The following KCNQ1 variants were observed in gnomAD, a reference collection of about 807,000 sequenced individuals.
KCNQ1 encodes potassium voltage-gated channel subfamily KQT member 1.
A neutral mutation model predicts 72.4 loss-of-function variants in KCNQ1; 49 were observed. The ratio of observed to expected loss-of-function variants is 0.68; its 90% CI spans 0.54 to 0.86. The LOEUF (loss-of-function observed/expected upper bound fraction) is 0.86, where lower values mean the gene tolerates loss of function less well. Among genes scored for constraint, KCNQ1 ranks in the 40% least tolerant of loss-of-function variants. The probability of loss-of-function intolerance (pLI) is 0.00; values close to 1 mark genes in which losing one functional copy is unlikely to be tolerated. For synonymous variants in KCNQ1, 450 were observed against 412.6 expected, an observed-to-expected ratio of 1.09 and a Z score of -1.10; for missense variants, 790 against 945.1, an observed-to-expected ratio of 0.84 and a Z score of 2.15.
At position 2,492,662 on chromosome 11, in the gene KCNQ1, TC is replaced by T. The variant is rs200334221; in HGVS notation, c.387-35262del. 9.7e-3 allele frequency among the ~76,000 whole-genome samples: 1,480 copies of T among 152,276 alleles called. 10 individuals carry two copies. Among genetic ancestry groups the T allele is most frequent in the South Asian group, 0.018 (89 of 4,822 alleles). On this transcript the variant is annotated intron_variant, in intron 1 of 15. Transcript: ENST00000155840. The surrounding 1 kb of genome is among the most constrained non-coding windows in gnomAD (Gnocchi z 4.1). Reference sequence around the variant, plus strand: ...TTGCCGAGAATGGTTTCCAGCTTCATCCCCACAAAAGACATGAACTCATTCT... The same window carrying T: ...TTGCCGAGAATGGTTTCCAGCTTCATCCCACAAAAGACATGAACTCATTCT...
At chr11:2,733,824 T>TCTCTCTCTCTCTCTCG in intron 11 of KCNQ1, among the ~76,000 whole-genome samples, 1 of 22,588 alleles carries the variant, frequency 4.4e-5, no homozygotes, top group Non-Finnish European at 1.0e-4. Context: ...ACTCTCTCAC[T>TCTCTCTCTCTCTCTCG]CTCTCTCTCT....
At position 2,775,951 on chromosome 11, in the gene KCNQ1, G is replaced by A; in HGVS notation, c.1591-9G>A. On this transcript the variant is annotated splice_polypyrimidine_tract_variant and intron_variant, in intron 12 of 15. Transcript: ENST00000155840. Reference sequence around the variant, plus strand: ...GAGGAGAAGTGATGCGTGTCTTTTTGTCCCGCAGCAAGCGCGGAAGCCTTA... The same window carrying A: ...GAGGAGAAGTGATGCGTGTCTTTTTATCCCGCAGCAAGCGCGGAAGCCTTA... 6.4e-7 allele frequency: 1 copy of A among 1,553,216 alleles called. No individual in the cohort carries two copies. The highest frequency in any genetic ancestry group is 8.7e-7 in the Non-Finnish European group (1 of 1,147,818).
At position 2,611,905 on chromosome 11, in the gene KCNQ1, C is replaced by A; in HGVS notation, c.1393+23051C>A. The A allele has an allele frequency of 2.5e-6, 1 of 398,470 alleles. No individual in the cohort carries two copies. Among genetic ancestry groups the A allele is most frequent in the Non-Finnish European group, 4.4e-6 (1 of 226,026 alleles). 24.7% of individuals were successfully genotyped at this position (398,470 alleles called of 1,614,324 possible). On this transcript the variant is annotated intron_variant, in intron 10 of 15. Coordinates refer to ENST00000155840, the MANE Select transcript of KCNQ1 (RefSeq NM_000218.3). This position sits in a 1 kb window ranked among gnomAD's most constrained non-coding sequence, Gnocchi z 5.3. ...AGTGTAATCTGGAGGTTACAATAAG[C>A]AGCTTAAGCAAAAACAATCTGCTTC...
rs572968912 is a variant in KCNQ1, at chr11:2,450,383, C to T, written c.386+4899C>T. On this transcript the variant is annotated intron_variant, in intron 1 of 15. Transcript: ENST00000155840. This position sits in a 1 kb window ranked among gnomAD's most constrained non-coding sequence, Gnocchi z 7.9. ...CCGGGGAGATGCCGCAGAGAAGCTT[C>T]CAGAAGCCCAACATCTGCTGCTGGA... Among the ~76,000 whole-genome samples, 4 of 152,260 alleles carry T rather than the reference C, an allele frequency of 2.6e-5. No individual in the cohort carries two copies. Among genetic ancestry groups the T allele is most frequent in the African/African-American group, 9.6e-5 (4 of 41,556 alleles).
intron 11 of KCNQ1, among the ~76,000 whole-genome samples, chr11:2,726,761 T>C (rs1373796899): frequency 6.6e-6 from 1 of 152,216 alleles, no homozygotes; most frequent in Non-Finnish European, 1.5e-5. Context: ...GGCTTTCCCA[T>C]GGAATGTGCT....
intron 15 of KCNQ1, among the ~76,000 whole-genome samples, chr11:2,823,343 C>G (rs753167806): frequency 6.6e-6 from 1 of 152,174 alleles, no homozygotes; most frequent in South Asian, 2.1e-4. Context: ...GGTGAGGATA[C>G]AGTAAAGACA....
At position 2,471,044 on chromosome 11, in the gene KCNQ1, C is replaced by T. The variant is rs903115004; in HGVS notation, c.386+25560C>T. On this transcript the variant is annotated intron_variant, in intron 1 of 15. Coordinates refer to ENST00000155840, the MANE Select transcript of KCNQ1 (RefSeq NM_000218.3). The surrounding 1 kb of genome is among the most constrained non-coding windows in gnomAD (Gnocchi z 4.8). ...TGTCGGTGGAGGCTCCCTTTCTGCC[C>T]GCGGGTTCCAGCACATTTGCTGGGA... Among the ~76,000 whole-genome samples the T allele has an allele frequency of 3.9e-5, 6 of 152,020 alleles. No homozygotes were observed. The highest frequency in any genetic ancestry group is 1.2e-4 in the African/African-American group (5 of 41,378).
rs1162166847 is a variant in KCNQ1 at position 2,734,357 on chromosome 11, A to C, written c.1515-34487A>C. On this transcript the variant is annotated intron_variant, in intron 11 of 15. Transcript: ENST00000155840. The surrounding 1 kb of genome is among the most constrained non-coding windows in gnomAD (Gnocchi z 7.0). Reference sequence around the variant, plus strand: ...GGCGGGGAGCACCAAGGGTAGAGGCAGGGGAGCAATGGATGGGTTGAATGA... The same window carrying C: ...GGCGGGGAGCACCAAGGGTAGAGGCCGGGGAGCAATGGATGGGTTGAATGA... Among the ~76,000 whole-genome samples, 1 of 152,234 alleles carries C rather than the reference A, an allele frequency of 6.6e-6. No individual in the cohort carries two copies. The highest frequency in any genetic ancestry group is 1.5e-5 in the Non-Finnish European group (1 of 68,040).
In KCNQ1 at chr11:2,507,350, C is replaced by T. The variant is rs769690278; in HGVS notation, c.387-20578C>T. Among the ~76,000 whole-genome samples the T allele has an allele frequency of 1.3e-5, 2 of 152,076 alleles. No individual in the cohort carries two copies. The highest frequency in any genetic ancestry group is 4.8e-5 in the African/African-American group (2 of 41,406). ...AGTGGAGCATGGAGTGTGGGGTCAT[C>T]GGGCAGGACACGAGATGCGCAGGAG... On this transcript the variant is annotated intron_variant, in intron 1 of 15. Transcript: ENST00000155840. This position sits in a 1 kb window ranked among gnomAD's most constrained non-coding sequence, Gnocchi z 5.4.
intron 10 of KCNQ1, chr11:2,632,235 C>G (rs1849370291): frequency 2.9e-6 from 1 of 341,578 alleles, no homozygotes; most frequent in Non-Finnish European, 5.2e-6. Context: ...TACTGACTTA[C>G]TATCCTGCTA....
chr11:2,848,891 CAAT>C lies in KCNQ1; in HGVS notation c.*892_*894del, dbSNP rs546360517. 122 of 454,118 alleles carry C rather than the reference CAAT, an allele frequency of 2.7e-4. 1 individual carries two copies. The highest frequency in any genetic ancestry group is 1.8e-3 in the South Asian group (119 of 64,480). The allele number at this position is 454,118 out of a possible 1,614,324, so 28.1% of individuals were successfully genotyped here. On this transcript the variant is annotated 3_prime_UTR_variant, in exon 16 of 16. Transcript: ENST00000155840. ...TCTGGGCATTACATCGCATAGAAATCAATAATTTGTGGTGATTTGGATCTGTGT... is the reference window on the plus strand; with the variant it reads ...TCTGGGCATTACATCGCATAGAAATCAATTTGTGGTGATTTGGATCTGTGT...
intron 1 of KCNQ1, among the ~76,000 whole-genome samples, chr11:2,472,048 ATGTG>A (rs1289689742): frequency 7.5e-6 from 1 of 134,130 alleles, no homozygotes; most frequent in Non-Finnish European, 1.6e-5. Flanking sequence ...ATAGGTATGT[ATGTG>A]TGCACATGTG....
chr11:2,790,653 G>A (rs549958877), intron 15 of KCNQ1, among the ~76,000 whole-genome samples: 11 of 152,350 alleles, frequency 7.2e-5, no homozygotes, highest in East Asian at 3.9e-4. Flanking sequence ...GGCGAGTCAC[G>A]TGGGCTCTCA....
intron 15 of KCNQ1, among the ~76,000 whole-genome samples, chr11:2,798,484 C>T (rs932193376): frequency 1.7e-4 from 25 of 151,506 alleles, no homozygotes; most frequent in African/African-American, 5.3e-4. Context: ...GAGGGGTTTG[C>T]GGCAGCAGCA....
Position 2,668,582 on chromosome 11 carries a change from G to T in KCNQ1, c.1514+6501G>T. The T allele has an allele frequency of 2.5e-6, 1 of 398,610 alleles. No homozygotes were observed. Among genetic ancestry groups the T allele is most frequent in the East Asian group, 3.6e-5 (1 of 28,078 alleles). The allele number at this position is 398,610 out of a possible 1,614,324, so 24.7% of individuals were successfully genotyped here. A position where few individuals can be genotyped will look rare whatever the true frequency, so the allele number is the denominator to read the frequency against. The stretch of plus-strand genomic sequence containing the variant: ...CCCTTTCCATGTTATCATTTAGTCA[G>T]ATACATCATTCTGTATAAATTGCCT... On this transcript the variant is annotated intron_variant, in intron 11 of 15. Transcript: ENST00000155840. This position sits in a 1 kb window ranked among gnomAD's most constrained non-coding sequence, Gnocchi z 4.3.
chr11:2,578,670 G>A (rs553038570), intron 6 of KCNQ1, among the ~76,000 whole-genome samples: 75 of 152,370 alleles, frequency 4.9e-4, no homozygotes, highest in African/African-American at 1.7e-3. Context: ...GGGATGTCCC[G>A]GAGCCCCTGC....
In KCNQ1 at chr11:2,787,322, G is replaced by A. The variant is rs767380665; in HGVS notation, c.1794+9285G>A. ...CTTTGAGGGTCCCAGCTTTGTGTAA[G>A]TCTCTGCTATGAGACTTCCTGGGGC... On this transcript the variant is annotated intron_variant, in intron 15 of 15. Transcript: ENST00000155840. This position sits in a 1 kb window ranked among gnomAD's most constrained non-coding sequence, Gnocchi z 6.3. Among the ~76,000 whole-genome samples, 5 of 152,150 alleles carry A rather than the reference G, an allele frequency of 3.3e-5. No homozygotes were observed. The highest frequency in any genetic ancestry group is 1.3e-4 in the Admixed American group (2 of 15,280).
rs145229963 is a variant in KCNQ1 at position 2,588,816 on chromosome 11, G to A, written c.1355G>A (p.Arg452Gln). The stretch of plus-strand genomic sequence containing the variant: ...ACGTGCGACCCCCCAGAAGAGCGGC[G>A]GCTGGACCACTTCTCTGTCGACGGC... ...HITCDPPEER[R>Q]LDHFSVDGYD... The change falls in exon 10 of 16, where the codon CGG (arginine) becomes CAG (glutamine). Residue 452 changes from arginine (R) to glutamine (Q), a missense_variant. By Grantham distance (43) the Arg-to-Gln change is conservative. This residue lies in a region of KCNQ1 where 178 missense variants were observed against 177.9 expected (regional missense o/e 1.00). Transcript: ENST00000155840. The surrounding 1 kb of genome is among the most constrained non-coding windows in gnomAD (Gnocchi z 5.6). 1.7e-4 allele frequency: 275 copies of A among 1,613,016 alleles called. No individual in the cohort carries two copies. Among genetic ancestry groups the A allele is most frequent in the Non-Finnish European group, 2.2e-4 (254 of 1,179,926 alleles).
At chr11:2,504,196 A>C (rs1192403237) in intron 1 of KCNQ1, among the ~76,000 whole-genome samples, 2 of 152,204 alleles carry the variant, frequency 1.3e-5, no homozygotes, top group Non-Finnish European at 2.9e-5. Context: ...ATGGAACTGG[A>C]GGTCACTATA....
Sources: allele counts gnomAD v4.1 joint callset (sites outside exome capture counted in the v4.1 genomes callset), GRCh38; gene constraint gnomAD v4.1.1; regional missense constraint gnomAD v4.1.1; non-coding constraint Gnocchi (gnomAD v3.1); transcripts MANE v1.5; gene names NCBI Gene and HGNC (gene_info 2026-07-23, HGNC 2026-07-21).